NAALADL2: variants seen among roughly 807,000 people sequenced by gnomAD.
NAALADL2 encodes N-acetylated alpha-linked acidic dipeptidase like 2.
NAALADL2 carries 76 observed loss-of-function variants against 87.2 expected under a neutral mutation model. That is an observed-to-expected ratio of 0.87 (90% CI 0.72 to 1.05). NAALADL2 has a LOEUF of 1.05. Among genes scored for constraint, NAALADL2 ranks in the 50% least tolerant of loss-of-function variants. The probability of loss-of-function intolerance (pLI) is 0.00; values close to 1 mark genes in which losing one functional copy is unlikely to be tolerated. For synonymous variants in NAALADL2, 354 were observed against 331.0 expected (o/e 1.07, Z -0.75); for missense variants, 1,089 against 945.8 (o/e 1.15, Z -1.99).
chr3:174,755,883 G>T (rs1242292165), intron 3 of NAALADL2, among the ~76,000 whole-genome samples: 4 of 152,188 alleles, frequency 2.6e-5, no homozygotes, highest in Non-Finnish European at 2.9e-5. Context: ...ATATGAATCT[G>T]CAAGGCTAGC....
chr3:174,594,060 A>G (rs1717643077), intron 2 of NAALADL2, among the ~76,000 whole-genome samples: 1 of 152,168 alleles, frequency 6.6e-6, no homozygotes, highest in Admixed American at 6.5e-5. Flanking sequence ...CACTTGTTTT[A>G]GATTGCAAAT....
At chr3:175,176,181 C>A (rs1442317016) in intron 2 of NAALADL2, among the ~76,000 whole-genome samples, 1 of 151,968 alleles carries the variant, frequency 6.6e-6, no homozygotes, top group African/African-American at 2.4e-5. Context: ...ACTCTATTTC[C>A]CGCTGCCTTG....
chr3:174,861,645 T>C (rs903016678), intron 1 of NAALADL2, among the ~76,000 whole-genome samples: 2 of 152,128 alleles, frequency 1.3e-5, no homozygotes, highest in African/African-American at 4.8e-5. Context: ...ATGTAGATTA[T>C]CATTGGAACT....
intron 3 of NAALADL2, among the ~76,000 whole-genome samples, chr3:174,800,230 C>T (rs972192604): frequency 6.6e-6 from 1 of 152,056 alleles, no homozygotes; most frequent in South Asian, 2.1e-4. Flanking sequence ...GAAAATATCA[C>T]CAGGGCATCA....
Position 174,694,981 on chromosome 3 carries a change from G to A in NAALADL2, c.-114-42660G>A, listed in dbSNP as rs190355741. Among the ~76,000 whole-genome samples, 6 of 151,994 alleles carry A rather than the reference G, an allele frequency of 3.9e-5. No individual in the cohort carries two copies. In the East Asian group the frequency reaches 1.2e-3, roughly 29 times the overall value. On this transcript the variant is annotated intron_variant, in intron 2 of 3. Coordinates refer to the NAALADL2 transcript ENST00000434257. ...CCACCACTTCTAGATTAGAAGCAAG[G>A]AATTCATTGTCTAACTTGCTTAATG...
chr3:174,992,579 A>G (rs1311001240), intron 1 of NAALADL2, among the ~76,000 whole-genome samples: 2 of 152,076 alleles, frequency 1.3e-5, no homozygotes, highest in Non-Finnish European at 2.9e-5. Flanking sequence ...ACCTGATTTT[A>G]TCATTTCTGT....
intron 1 of NAALADL2, among the ~76,000 whole-genome samples, chr3:174,963,656 G>T (rs943343590): frequency 6.6e-6 from 1 of 152,066 alleles, no homozygotes; most frequent in African/African-American, 2.4e-5. Flanking sequence ...TCACTGGTGA[G>T]AATTAAGTAT....
chr3:175,489,410 C>A (rs1727744799), intron 9 of NAALADL2, among the ~76,000 whole-genome samples: 1 of 152,040 alleles, frequency 6.6e-6, no homozygotes, highest in Non-Finnish European at 1.5e-5. Context: ...TACCCATATT[C>A]CAGAATATTA....
intron 3 of NAALADL2, among the ~76,000 whole-genome samples, chr3:175,241,855 A>ATTTTTTTTTTTTTTTTTT (rs779567135): frequency 1.7e-4 from 14 of 83,818 alleles, no homozygotes; most frequent in African/African-American, 4.2e-4. Context: ...TGGATGCTGA[A>ATTTTTTTTTTTTTTTTTT]TTTTTTTTTT....
chr3:175,054,740 G>A (rs1294895268), intron 1 of NAALADL2, among the ~76,000 whole-genome samples: 4 of 152,066 alleles, frequency 2.6e-5, no homozygotes, highest in Non-Finnish European at 4.4e-5. Flanking sequence ...CCCTTGAAGC[G>A]GTTCCTTCAA....
intron 3 of NAALADL2, among the ~76,000 whole-genome samples, chr3:174,747,222 A>G (rs1189003948): frequency 6.6e-6 from 1 of 152,192 alleles, no homozygotes; most frequent in Non-Finnish European, 1.5e-5. Flanking sequence ...GAACTTAAAC[A>G]AATTTACAAG....
intron 1 of NAALADL2, among the ~76,000 whole-genome samples, chr3:175,081,931 A>G (rs1278518644): frequency 6.6e-6 from 1 of 152,150 alleles, no homozygotes; most frequent in Non-Finnish European, 1.5e-5. Context: ...CATTTGTGGA[A>G]CACATACTCT....
chr3:175,439,557 G>A lies in NAALADL2; in HGVS notation c.1091-7672G>A, dbSNP rs184318157. Among the ~76,000 whole-genome samples, 451 of 151,602 alleles carry A rather than the reference G, an allele frequency of 3.0e-3. 1 individual carries two copies. Among genetic ancestry groups the A allele is most frequent in the Middle Eastern group, 0.01 (3 of 294 alleles). On this transcript the variant is annotated intron_variant, in intron 5 of 13. Coordinates refer to ENST00000454872, the MANE Select transcript of NAALADL2 (RefSeq NM_207015.3). ...ATTCTTGCAGAAGCCAGGTGGCATCGTATTGTGGTTTTGGTTTGCAGTTCC... is the reference window on the plus strand; with the variant it reads ...ATTCTTGCAGAAGCCAGGTGGCATCATATTGTGGTTTTGGTTTGCAGTTCC...
At chr3:174,955,773 C>G (rs1277049320) in intron 1 of NAALADL2, among the ~76,000 whole-genome samples, 1 of 152,024 alleles carries the variant, frequency 6.6e-6, no homozygotes, top group East Asian at 1.9e-4. Context: ...ACCTGCAGGA[C>G]TTTTTAAAAG....
Position 175,100,244 on chromosome 3 carries a change from G to A in NAALADL2, c.545+2953G>A, listed in dbSNP as rs1005306935. 2.6e-5 allele frequency among the ~76,000 whole-genome samples: 4 copies of A among 152,168 alleles called. No homozygotes were observed. The East Asian group carries it at 7.7e-4, about 29-fold the overall frequency. On this transcript the variant is annotated intron_variant, in intron 2 of 13. Coordinates refer to ENST00000454872, the MANE Select transcript of NAALADL2 (RefSeq NM_207015.3). ...GTAGCATGTAAAGCTTGAAAAAAAT[G>A]AGAGTATGGCCCCAGAGATGATTAT...
chr3:175,214,160 T>G (rs934402245), intron 2 of NAALADL2, among the ~76,000 whole-genome samples: 3 of 152,156 alleles, frequency 2.0e-5, no homozygotes, highest in African/African-American at 7.2e-5. Context: ...TTTATGTTGA[T>G]AGGTTGTGTT....
At chr3:175,412,125 T>C (rs1242500120) in intron 5 of NAALADL2, among the ~76,000 whole-genome samples, 2 of 152,190 alleles carry the variant, frequency 1.3e-5, no homozygotes, top group Non-Finnish European at 2.9e-5. Flanking sequence ...ACATTGTTCT[T>C]GTATTTGAAT....
chr3:174,859,478 C>A (rs1419843912), intron 1 of NAALADL2, 28 bp downstream of exon 1: 1 of 1,587,652 alleles, frequency 6.3e-7, no homozygotes, highest in Non-Finnish European at 8.6e-7. Flanking sequence ...ATGAACTTTT[C>A]ACTTTTCACA....
chr3:174,804,077 AAT>A (rs1719172183), intron 3 of NAALADL2, among the ~76,000 whole-genome samples: 1 of 152,030 alleles, frequency 6.6e-6, no homozygotes, highest in Non-Finnish European at 1.5e-5. Flanking sequence ...CCATTTTCAC[AAT>A]ATTGATTCTT....
Sources: allele counts gnomAD v4.1 joint callset (sites outside exome capture counted in the v4.1 genomes callset), GRCh38; gene constraint gnomAD v4.1.1; transcripts MANE v1.5; gene names NCBI Gene and HGNC (gene_info 2026-07-23, HGNC 2026-07-21).